The following BANK1 variants were observed in gnomAD, a reference collection of about 807,000 sequenced individuals.
The protein encoded by BANK1 is B-cell scaffold protein with ankyrin repeats.
Under a neutral mutation model 94.5 loss-of-function variants are expected in BANK1, and 95 were observed. That is an observed-to-expected ratio of 1.00 (90% CI 0.85 to 1.19). The LOEUF (loss-of-function observed/expected upper bound fraction) is 1.19, where lower values mean the gene tolerates loss of function less well. BANK1 is among the 50% of genes most tolerant of loss of function. BANK1 has a pLI of 0.00. For synonymous variants in BANK1, 334 were observed against 308.4 expected, an observed-to-expected ratio of 1.08 and a Z score of -0.87; for missense variants, 987 against 932.2, an observed-to-expected ratio of 1.06 and a Z score of -0.77.
chr4:101,862,746 C>T, intron 4 of BANK1, 82 bp downstream of exon 4: 1 of 1,317,560 alleles, frequency 7.6e-7, no homozygotes, highest in Non-Finnish European at 1.0e-6. Context: ...GTTTCACTTC[C>T]TTACAAAAAC....
Position 102,060,258 on chromosome 4 carries a change from C to G in BANK1, c.2017C>G (p.Leu673Val), listed in dbSNP as rs759151716. The change falls in exon 12 of 17, where the codon CTA becomes GTA. Residue 673 changes from leucine (L) to valine (V), a missense_variant. Physicochemically the swap from Leu to Val is conservative, Grantham distance 32 (BLOSUM62 1). Coordinates refer to ENST00000322953, the MANE Select transcript of BANK1 (RefSeq NM_017935.5). ...SPAFSTLRGC[L>V]TDGQEELILL... is the part of the protein sequence containing the mutation. Reference sequence around the variant, plus strand: ...AGCCTTTTCTACTCTCAGGGGCTGTCTAACTGATGGTCAGGAAGAACTCAT... The same window carrying G: ...AGCCTTTTCTACTCTCAGGGGCTGTGTAACTGATGGTCAGGAAGAACTCAT... The G allele has an allele frequency of 3.7e-6, 6 of 1,607,098 alleles. No individual in the cohort carries two copies. In the East Asian group the frequency reaches 1.1e-4, roughly 30 times the overall value.
chr4:101,894,227 C>A (rs936059650), intron 5 of BANK1, among the ~76,000 whole-genome samples: 1 of 151,950 alleles, frequency 6.6e-6, no homozygotes, highest in Non-Finnish European at 1.5e-5. Context: ...CACATTTTCC[C>A]TTCTTTTTTA....
intron 6 of BANK1, among the ~76,000 whole-genome samples, chr4:101,906,666 A>C (rs1722461794): frequency 6.6e-6 from 1 of 152,136 alleles, no homozygotes; most frequent in South Asian, 2.1e-4. Context: ...CAGTGTGAAA[A>C]AGTTCCAAAG....
intron 6 of BANK1, among the ~76,000 whole-genome samples, chr4:101,908,176 C>G (rs1722529132): frequency 6.6e-6 from 1 of 152,142 alleles, no homozygotes; most frequent in African/African-American, 2.4e-5. Context: ...CTACAGTAAC[C>G]AAAACAGCAT....
chr4:101,955,103 C>CTTTTA (rs1724293005), intron 7 of BANK1, among the ~76,000 whole-genome samples: 2 of 152,060 alleles, frequency 1.3e-5, no homozygotes, highest in African/African-American at 2.4e-5. Context: ...GTGACAGGTG[C>CTTTTA]TGTAGAAAGG....
At chr4:101,814,017 T>G in intron 1 of BANK1, 203 of 373,312 alleles carry the variant, frequency 5.4e-4, no homozygotes, top group Middle Eastern at 1.3e-3. Context: ...TTTGAGATGA[T>G]ATTTCTTTAG....
intron 7 of BANK1, among the ~76,000 whole-genome samples, chr4:101,987,903 G>C (rs1725570378): frequency 1.3e-5 from 2 of 152,094 alleles, no homozygotes; most frequent in South Asian, 4.2e-4. Context: ...GTTGCCTGTG[G>C]GAGAAAGCAT....
chr4:101,920,357 ACTT>A (rs1722963428), intron 7 of BANK1, among the ~76,000 whole-genome samples: 1 of 151,966 alleles, frequency 6.6e-6, no homozygotes, highest in Non-Finnish European at 1.5e-5. Flanking sequence ...GTACCCTAGA[ACTT>A]AAAGTATAAT....
rs189956874 is a variant in BANK1, at chr4:101,908,126, G to A, written c.1010-9867G>A. Among the ~76,000 whole-genome samples the A allele has an allele frequency of 1.1e-3, 171 of 152,276 alleles. 1 individual carries two copies. The highest frequency in any genetic ancestry group is 5.0e-3 in the South Asian group (24 of 4,824). ...AATCCTAAACCAAATGAACAAAGCC[G>A]GAGGCATCACACTACCTGACTTCAA... On this transcript the variant is annotated intron_variant, in intron 6 of 16. Transcript: ENST00000322953.
At chr4:101,814,171 T>C (rs1293418254) in intron 1 of BANK1, among the ~76,000 whole-genome samples, 1 of 152,202 alleles carries the variant, frequency 6.6e-6, no homozygotes, top group Non-Finnish European at 1.5e-5. Context: ...CAAGATCTCA[T>C]TGCAGTTAGT....
chr4:102,002,171 T>G (rs1008595253), intron 7 of BANK1, among the ~76,000 whole-genome samples: 2 of 152,224 alleles, frequency 1.3e-5, no homozygotes, highest in African/African-American at 4.8e-5. Flanking sequence ...CTTATCCTGC[T>G]GTCTTGTCTG....
chr4:101,922,055 T>TGA lies in BANK1; in HGVS notation c.1206+3869_1206+3870dup, dbSNP rs1361176694. ...GTGTGTGTGTGTGTGTGTGTGTGTGTGAGACAGAGAGATTTTGTTGCCCTC... is the reference window on the plus strand; with the variant it reads ...GTGTGTGTGTGTGTGTGTGTGTGTGTGAGAGACAGAGAGATTTTGTTGCCCTC... On this transcript the variant is annotated intron_variant, in intron 7 of 16. Transcript: ENST00000322953. Among the ~76,000 whole-genome samples the TGA allele has an allele frequency of 1.2e-3, 168 of 144,366 alleles. 1 individual carries two copies. The highest frequency in any genetic ancestry group is 6.5e-3 in the Admixed American group (94 of 14,466). The allele number at this position is 144,366 out of a possible 152,430, so 94.7% of individuals were successfully genotyped here.
At chr4:102,073,243 A>G (rs1728815339) in intron 15 of BANK1, among the ~76,000 whole-genome samples, 1 of 150,102 alleles carries the variant, frequency 6.7e-6, no homozygotes, top group Admixed American at 6.7e-5. Context: ...ATATGTATAT[A>G]TATATATACA....
rs562493673 is a variant in BANK1 at position 101,862,597 on chromosome 4, A to G, written c.696A>G (p.Ser232=). 1 of 1,611,872 alleles carries G rather than the reference A, an allele frequency of 6.2e-7. No individual in the cohort carries two copies. The highest frequency in any genetic ancestry group is 1.3e-5 in the African/African-American group (1 of 74,966). The change falls in exon 4 of 17, where the codon TCA becomes TCG. Residue 232 remains serine, a synonymous_variant. Transcript: ENST00000322953. Reference sequence around the variant, plus strand: ...ATACTGTAGAGGTTGAATTTACATCAAGTAATAAGCGCATTAGAACACGGC... The same window carrying G: ...ATACTGTAGAGGTTGAATTTACATCGAGTAATAAGCGCATTAGAACACGGC... ...IGDTVEVEFT[S]SNKRIRTRPA... is the part of the protein sequence containing the mutation.
At chr4:101,936,263 G>A (rs563095083) in intron 7 of BANK1, among the ~76,000 whole-genome samples, 7 of 149,748 alleles carry the variant, frequency 4.7e-5, no homozygotes, top group South Asian at 4.2e-4. Flanking sequence ...ACACATACAT[G>A]TATGCATACA....
intron 5 of BANK1, among the ~76,000 whole-genome samples, chr4:101,894,268 C>T (rs1279445410): frequency 6.6e-6 from 1 of 151,990 alleles, no homozygotes; most frequent in Non-Finnish European, 1.5e-5. Context: ...AAGAGCTTTG[C>T]ACAATCTGTG....
At chr4:101,906,687 C>G (rs901433524) in intron 6 of BANK1, among the ~76,000 whole-genome samples, 2 of 152,146 alleles carry the variant, frequency 1.3e-5, no homozygotes, top group African/African-American at 4.8e-5. Context: ...TGAAACGAAC[C>G]AGACCCCACA....
At position 101,998,401 on chromosome 4, in the gene BANK1, C is replaced by G. The variant is rs574430998; in HGVS notation, c.1207-23113C>G. Among the ~76,000 whole-genome samples, 50 of 152,032 alleles carry G rather than the reference C, an allele frequency of 3.3e-4. No individual in the cohort carries two copies. In the South Asian group the frequency reaches 7.7e-3, roughly 23 times the overall value. ...AGAAGAATGTATATTCTGTTGATTT[C>G]CAGTGGAGAGTTCTGTAGATGTCTA... On this transcript the variant is annotated intron_variant, in intron 7 of 16. Coordinates refer to ENST00000322953, the MANE Select transcript of BANK1 (RefSeq NM_017935.5).
At chr4:102,031,629 A>G (rs1727316744) in intron 10 of BANK1, among the ~76,000 whole-genome samples, 1 of 152,182 alleles carries the variant, frequency 6.6e-6, no homozygotes, top group Admixed American at 6.5e-5. Flanking sequence ...TCTTTCAGGG[A>G]ACATGAAACC....
Sources: allele counts gnomAD v4.1 joint callset (sites outside exome capture counted in the v4.1 genomes callset), GRCh38; gene constraint gnomAD v4.1.1; transcripts MANE v1.5; gene names NCBI Gene and HGNC (gene_info 2026-07-23, HGNC 2026-07-21).